FBXO34: variants seen among roughly 807,000 people sequenced by gnomAD.
FBXO34 encodes the protein F-box protein 34, also known as F-box only protein 34.
FBXO34 carries 12 observed loss-of-function variants against 24.5 expected under a neutral mutation model. That is an observed-to-expected ratio of 0.49 (90% CI 0.31 to 0.79). The LOEUF is 0.79. FBXO34 is among the 30% of genes least tolerant of loss of function. The pLI, the probability that FBXO34 is intolerant of heterozygous loss-of-function variation, is 0.04. For missense variants in FBXO34, 823 were observed against 857.7 expected (o/e 0.96, Z 0.51); for synonymous variants, 320 against 311.9 (o/e 1.03, Z -0.27).
chr14:55,391,212 A>C, the FBXO34 span: 4 of 376,760 alleles, frequency 1.1e-5, no homozygotes, highest in Admixed American at 4.9e-5. Context: ...GCGGTGGCTC[A>C]CGCCTGTAAT....
chr14:55,432,282 G>C, the FBXO34 span, among the ~76,000 whole-genome samples: 3 of 150,458 alleles, frequency 2.0e-5, no homozygotes, highest in Non-Finnish European at 4.4e-5. Flanking sequence ...GCCTGGTGGT[G>C]CATACCTGTG....
At chr14:55,396,227 A>T in the FBXO34 span, among the ~76,000 whole-genome samples, 1 of 152,202 alleles carries the variant, frequency 6.6e-6, no homozygotes, top group African/African-American at 2.4e-5. Flanking sequence ...TCTGCCTAAC[A>T]GTCTTAGCCT....
the FBXO34 span, among the ~76,000 whole-genome samples, chr14:55,423,261 T>C: frequency 1.3e-5 from 2 of 152,230 alleles, no homozygotes; most frequent in African/African-American, 4.8e-5. Flanking sequence ...CTGCCAAGCA[T>C]TTGGTAAAAG....
intron 1 of FBXO34, among the ~76,000 whole-genome samples, chr14:55,305,899 T>C (rs1335464241): frequency 6.6e-6 from 1 of 152,172 alleles, no homozygotes; most frequent in Non-Finnish European, 1.5e-5. Flanking sequence ...TTGAGGCTGG[T>C]TTTTCATCTC....
chr14:55,312,486 T>A (rs1353831420), intron 1 of FBXO34, among the ~76,000 whole-genome samples: 1 of 152,196 alleles, frequency 6.6e-6, no homozygotes, highest in East Asian at 1.9e-4. Context: ...GTGGAGACTC[T>A]GTGTGGGGGC....
At chr14:55,387,201 C>T in the FBXO34 span, among the ~76,000 whole-genome samples, 1 of 152,062 alleles carries the variant, frequency 6.6e-6, no homozygotes, top group African/African-American at 2.4e-5. Context: ...CAGAGCAAAC[C>T]CCTCAGCCTC....
At chr14:55,401,633 C>G in the FBXO34 span, among the ~76,000 whole-genome samples, 3 of 152,136 alleles carry the variant, frequency 2.0e-5, no homozygotes, top group Non-Finnish European at 4.4e-5. Flanking sequence ...TTCTTCCATA[C>G]TTTTATGACT....
In FBXO34 at chr14:55,272,483, G is replaced by GA. The variant is rs1296352643; in HGVS notation, c.-11+954dup. ...TTGATAGTTTGCAATCAGAATTACT[G>GA]AAAAAAAAGAGAACCACTTCTAGTG... On this transcript the variant is annotated intron_variant, in intron 1 of 1. Transcript: ENST00000313833. Among the ~76,000 whole-genome samples, 25 of 146,964 alleles carry GA rather than the reference G, an allele frequency of 1.7e-4. No homozygotes were observed. The South Asian group carries it at 3.0e-3, about 18-fold the overall frequency.
chr14:55,428,937 G>GA, the FBXO34 span: 3 of 1,614,114 alleles, frequency 1.9e-6, no homozygotes, highest in Non-Finnish European at 2.5e-6. Context: ...TGCACCACAC[G>GA]AGCATATTTT....
the FBXO34 span, chr14:55,436,712 T>C: frequency 1.2e-6 from 2 of 1,614,034 alleles, no homozygotes; most frequent in East Asian, 2.2e-5. Flanking sequence ...GAATGGGAAT[T>C]TGACAAACTG....
At chr14:55,409,210 A>T in the FBXO34 span, among the ~76,000 whole-genome samples, 1 of 152,356 alleles carries the variant, frequency 6.6e-6, no homozygotes, top group African/African-American at 2.4e-5. Context: ...AAAGAAAAGT[A>T]TAGGATAACT....
At chr14:55,414,220 G>T in the FBXO34 span, 2,327 of 593,110 alleles carry the variant, frequency 3.9e-3, 41 homozygotes, top group African/African-American at 0.039. Flanking sequence ...TTTTGAATAA[G>T]AATTTTTCTT....
intron 1 of FBXO34, among the ~76,000 whole-genome samples, chr14:55,307,199 G>C (rs555487498): frequency 6.6e-6 from 1 of 152,378 alleles, no homozygotes; most frequent in South Asian, 2.1e-4. Context: ...GGGCATGACA[G>C]ATAATGGTTC....
chr14:55,345,541 C>T (rs945553298), intron 1 of FBXO34, among the ~76,000 whole-genome samples: 1 of 152,184 alleles, frequency 6.6e-6, no homozygotes, highest in African/African-American at 2.4e-5. Flanking sequence ...CATACCTCTT[C>T]CTTCTTCTCC....
the FBXO34 span, among the ~76,000 whole-genome samples, chr14:55,440,937 C>T: frequency 6.6e-6 from 1 of 152,242 alleles, no homozygotes. Context: ...ACCTCCGCCT[C>T]CCGGGTTCAA....
At chr14:55,367,459 G>A (rs975783558) in exon 3 of FBXO34, 3 of 152,176 alleles carry the variant, frequency 2.0e-5, no homozygotes, top group Non-Finnish European at 2.9e-5. Context: ...GAACCCATAA[G>A]GGGCCGGGCG....
At chr14:55,369,711 G>C, downstream of FBXO34, 1 of 1,610,894 alleles carries the variant, frequency 6.2e-7, no homozygotes, top group Non-Finnish European at 8.5e-7. Context: ...GCGATGGGTG[G>C]GGACGCCTGG....
chr14:55,276,823 A>G (rs987431046), intron 1 of FBXO34, among the ~76,000 whole-genome samples: 4 of 152,188 alleles, frequency 2.6e-5, no homozygotes, highest in African/African-American at 9.6e-5. Flanking sequence ...ATAGCTTCCC[A>G]CAGTATCTTA....
the FBXO34 span, among the ~76,000 whole-genome samples, chr14:55,387,174 C>G: frequency 1.3e-5 from 2 of 152,296 alleles, no homozygotes; most frequent in East Asian, 3.9e-4. Flanking sequence ...CAGTGGTTCT[C>G]CACTGCCCAT....
Sources: gnomAD v4.1 joint callset for allele counts (sites outside exome capture counted in the v4.1 genomes callset) on GRCh38, gnomAD v4.1.1 for gene constraint, MANE v1.5 for transcripts, NCBI Gene and HGNC (gene_info 2026-07-23, HGNC 2026-07-21) for gene names.